DMRTB1: variants seen among roughly 807,000 people sequenced by gnomAD.
The protein encoded by DMRTB1 is DMRT like family B with proline rich C-terminal 1.
A neutral mutation model predicts 25.2 loss-of-function variants in DMRTB1; 9 were observed. The ratio of observed to expected loss-of-function variants is 0.36; its 90% CI spans 0.22 to 0.62. The LOEUF is 0.62. DMRTB1 is among the 20% of genes least tolerant of loss of function. DMRTB1 has a pLI of 0.71. For synonymous variants in DMRTB1, 269 were observed against 238.1 expected (o/e 1.13, Z -1.20); for missense variants, 551 against 499.3 (o/e 1.10, Z -0.99).
chr1:53,460,457 T>A (rs1237687751), intron 1 of DMRTB1: 1 of 159,058 alleles, frequency 6.3e-6, no homozygotes, highest in Non-Finnish European at 1.4e-5. Flanking sequence ...CAAGGACGCC[T>A]GCGCACTCTT....
intron 2 of DMRTB1, 106 bp downstream of exon 2, chr1:53,461,751 C>T (rs528081929): frequency 7.8e-5 from 105 of 1,344,688 alleles, no homozygotes; most frequent in South Asian, 1.1e-4. Flanking sequence ...ACTGTGCCCA[C>T]GCCATGCCAG....
Position 53,466,883 on chromosome 1 carries a change from GC to G in DMRTB1, c.*223del. On this transcript the variant is annotated 3_prime_UTR_variant, in exon 4 of 4. Coordinates refer to ENST00000371445, the MANE Select transcript of DMRTB1 (RefSeq NM_033067.3). ...TGGAGGAAGCTATTACCAGGGGAGG[GC>G]CAGGGCTCTGAGGAGTGGGCGCTGG... 1 of 566,468 alleles carries G rather than the reference GC, an allele frequency of 1.8e-6. No homozygotes were observed. Among genetic ancestry groups the G allele is most frequent in the East Asian group, 2.9e-5 (1 of 34,400 alleles). The allele number at this position is 566,468 out of a possible 1,614,324, so 35.1% of individuals were successfully genotyped here.
chr1:53,461,410 G>A, intron 1 of DMRTB1, 63 bp from the exon 2 acceptor site: 1 of 1,490,232 alleles, frequency 6.7e-7, no homozygotes, highest in East Asian at 2.5e-5. Flanking sequence ...GCCGCCCTGG[G>A]CCGCCCTGCG....
rs1020449832 is a variant in DMRTB1, at chr1:53,460,043, C to T, written c.577+13C>T. On this transcript the variant is annotated intron_variant, in intron 1 of 3. Coordinates refer to ENST00000371445, the MANE Select transcript of DMRTB1 (RefSeq NM_033067.3). Reference sequence around the variant, plus strand: ...TTCACCGACTTTGGTAAGTCGTGGCCTTGGTCCCGCGGTCGACTCCCGGAG... The same window carrying T: ...TTCACCGACTTTGGTAAGTCGTGGCTTTGGTCCCGCGGTCGACTCCCGGAG... 4 of 1,555,258 alleles carry T rather than the reference C, an allele frequency of 2.6e-6. No individual in the cohort carries two copies. The highest frequency in any genetic ancestry group is 3.5e-6 in the Non-Finnish European group (4 of 1,159,192).
intron 3 of DMRTB1, 76 bp from the exon 4 acceptor site, chr1:53,466,519 G>C (rs1178014559): frequency 2.1e-6 from 3 of 1,412,514 alleles, no homozygotes; most frequent in Non-Finnish European, 3.0e-6. Flanking sequence ...TAAGAAAAAA[G>C]AAAATCTTCA....
At chr1:53,462,945 C>T (rs1343624547) in intron 2 of DMRTB1, among the ~76,000 whole-genome samples, 1 of 152,258 alleles carries the variant, frequency 6.6e-6, no homozygotes, top group Non-Finnish European at 1.5e-5. Flanking sequence ...GTTCCGTCTG[C>T]TCACACAGAA....
chr1:53,461,333 G>C, intron 1 of DMRTB1, 140 bp from the exon 2 acceptor site: 1 of 860,932 alleles, frequency 1.2e-6, no homozygotes, highest in Non-Finnish European at 1.7e-6. Context: ...TGGAGATGCA[G>C]TGAGGGCCCA....
At position 53,464,564 on chromosome 1, in the gene DMRTB1, G is replaced by A. The variant is rs527679471; in HGVS notation, c.751-73G>A. 35 of 1,609,784 alleles carry A rather than the reference G, an allele frequency of 2.2e-5. No homozygotes were observed. The African/African-American group carries it at 4.4e-4, about 20-fold the overall frequency. On this transcript the variant is annotated intron_variant, in intron 2 of 3. Coordinates refer to ENST00000371445, the MANE Select transcript of DMRTB1 (RefSeq NM_033067.3). ...ATCAGGAGCCCCCCACTTCAGGGGT[G>A]AGAGCTATGTTTGGTCAGCCCATCT...
intron 3 of DMRTB1, among the ~76,000 whole-genome samples, chr1:53,465,278 G>A (rs1477917812): frequency 6.6e-6 from 1 of 152,202 alleles, no homozygotes; most frequent in East Asian, 1.9e-4. Flanking sequence ...AGCAGCAGCA[G>A]GAACCCGTGT....
chr1:53,460,520 GTGCGCC>G (rs1644015574), intron 1 of DMRTB1: 1 of 153,636 alleles, frequency 6.5e-6, no homozygotes, highest in Non-Finnish European at 1.4e-5. Flanking sequence ...CCCTGGCCCA[GTGCGCC>G]TGCGCACCTC....
Position 53,466,722 on chromosome 1 carries a change from T to C in DMRTB1, c.*60T>C. 1.9e-6 allele frequency: 3 copies of C among 1,540,534 alleles called. No individual in the cohort carries two copies. The highest frequency in any genetic ancestry group is 2.7e-6 in the Non-Finnish European group (3 of 1,118,900). On this transcript the variant is annotated 3_prime_UTR_variant, in exon 4 of 4. Coordinates refer to ENST00000371445, the MANE Select transcript of DMRTB1 (RefSeq NM_033067.3). ...GCACTGGGGGGCAACAGCAACAGTT[T>C]TCTTGTCTTCATTCAGTGATATGTA...
In DMRTB1 at chr1:53,465,868, T is replaced by C. The variant is rs535224150; in HGVS notation, c.962-727T>C. 2.3e-4 allele frequency among the ~76,000 whole-genome samples: 35 copies of C among 152,356 alleles called. No individual in the cohort carries two copies. The South Asian group carries it at 6.2e-3, about 27-fold the overall frequency. On this transcript the variant is annotated intron_variant, in intron 3 of 3. Coordinates refer to ENST00000371445, the MANE Select transcript of DMRTB1 (RefSeq NM_033067.3). ...ATCATGTGTAAAAGGAGACTAATAA[T>C]GGTCCCTACCTCATGAGGATTCTGA...
chr1:53,459,735 C>A lies in DMRTB1; in HGVS notation c.282C>A (p.Ser94Arg). ...CCCCCGTCCCCGTCCCGGCCGCGAG[C>A]CTCCGCCCGCTGTCCCCGGGGACTC... ...APAPVPVPAA[S>R]LRPLSPGTPS... The change falls in exon 1 of 4, where the codon AGC becomes AGA. Residue 94 changes from serine (S) to arginine (R), a missense_variant. By Grantham distance (110) the Ser-to-Arg change is moderately radical. Coordinates refer to ENST00000371445, the MANE Select transcript of DMRTB1 (RefSeq NM_033067.3). 7.4e-7 allele frequency: 1 copy of A among 1,355,760 alleles called. No homozygotes were observed. The allele number at this position is 1,355,760 out of a possible 1,614,324, so 84.0% of individuals were successfully genotyped here. A position where few individuals can be genotyped will look rare whatever the true frequency, so the allele number is the denominator to read the frequency against.
At chr1:53,460,272 G>A (rs1644011851) in intron 1 of DMRTB1, 3 of 495,680 alleles carry the variant, frequency 6.1e-6, no homozygotes, top group African/African-American at 2.0e-5. Context: ...TGTAGTTTGT[G>A]CCATTCCGGC....
rs887977388 is a variant in DMRTB1, at chr1:53,464,911, C to A, written c.961+64C>A. On this transcript the variant is annotated intron_variant, in intron 3 of 3. Transcript: ENST00000371445. ...GGGAGACTTTCTGGAGGAAGAGGTA[C>A]CTAATCTGAAGAAAGGTTAGGTGTG... 5.6e-6 allele frequency: 9 copies of A among 1,600,998 alleles called. No homozygotes were observed. In the African/African-American group the frequency reaches 1.2e-4, roughly 21 times the overall value.
Position 53,459,811 on chromosome 1 carries a change from T to A in DMRTB1, c.358T>A (p.Phe120Ile), listed in dbSNP as rs1292886110. Reference sequence around the variant, plus strand: ...CGAGGGCCGCGCGGCCGCTTGCTTCTTCGAGCAGCCCCCGCGGGGCCGGAA... The same window carrying A: ...CGAGGGCCGCGCGGCCGCTTGCTTCATCGAGCAGCCCCCGCGGGGCCGGAA... ...GPEGRAAACFFEQPPRGRNPG... is the reference protein window; with the variant it reads ...GPEGRAAACFIEQPPRGRNPG... Residue 120 changes from phenylalanine (F) to isoleucine (I), a missense_variant, in exon 1 of 4, where the codon TTC becomes ATC. Transcript: ENST00000371445. 6.9e-7 allele frequency: 1 copy of A among 1,439,616 alleles called. No individual in the cohort carries two copies. Among genetic ancestry groups the A allele is most frequent in the Non-Finnish European group, 9.1e-7 (1 of 1,103,276 alleles). The allele number at this position is 1,439,616 out of a possible 1,614,324, so 89.2% of individuals were successfully genotyped here.
chr1:53,466,848 A>T lies in DMRTB1; in HGVS notation c.*186A>T, dbSNP rs182399265. 3.8e-5 allele frequency: 24 copies of T among 623,962 alleles called. No homozygotes were observed. Among genetic ancestry groups the T allele is most frequent in the Non-Finnish European group, 6.6e-5 (24 of 362,282 alleles). 38.7% of individuals were successfully genotyped at this position (623,962 alleles called of 1,614,324 possible). A position where few individuals can be genotyped will look rare whatever the true frequency, so the allele number is the denominator to read the frequency against. On this transcript the variant is annotated 3_prime_UTR_variant, in exon 4 of 4. Transcript: ENST00000371445. ...GTTTCAATCCTGCGCTGTACAGTTG[A>T]AGAAGAGTGTGGAGGAAGCTATTAC... is the stretch of plus-strand genomic sequence containing the variant.
intron 1 of DMRTB1, 38 bp from the exon 2 acceptor site, chr1:53,461,435 C>G: frequency 6.6e-7 from 1 of 1,522,266 alleles, no homozygotes; most frequent in Non-Finnish European, 8.9e-7. Context: ...CTTTTCCCAG[C>G]GGTGTCTAAC....
At chr1:53,466,080 G>A (rs1644048490) in intron 3 of DMRTB1, among the ~76,000 whole-genome samples, 1 of 152,216 alleles carries the variant, frequency 6.6e-6, no homozygotes, top group African/African-American at 2.4e-5. Flanking sequence ...AGCAAGAGCT[G>A]GAACTTGAAT....
Sources: gnomAD v4.1 joint callset for allele counts (sites outside exome capture counted in the v4.1 genomes callset) on GRCh38, gnomAD v4.1.1 for gene constraint, MANE v1.5 for transcripts, NCBI Gene and HGNC (gene_info 2026-07-23, HGNC 2026-07-21) for gene names.